Variants in PRKAR1A observed in about 807,000 individuals in gnomAD.
PRKAR1A encodes the protein protein kinase cAMP-dependent type I regulatory subunit alpha.
In PRKAR1A, 3 loss-of-function variants were observed where a neutral mutation model predicts 52.0. That is an observed-to-expected ratio of 0.06 (90% confidence interval 0.03 to 0.15). The LOEUF is 0.15. Among genes scored for constraint, PRKAR1A ranks in the 10% least tolerant of loss-of-function variants. PRKAR1A has a pLI of 1.00. For missense variants in PRKAR1A, 240 were observed against 477.4 expected (o/e 0.50, Z 4.63); for synonymous variants, 188 against 168.4 (o/e 1.12, Z -0.90).
the PRKAR1A span, among the ~76,000 whole-genome samples, chr17:68,505,045 C>T: frequency 6.6e-6 from 1 of 152,178 alleles, no homozygotes; most frequent in Non-Finnish European, 1.5e-5. Flanking sequence ...CATCTGTAAT[C>T]CCAGTAATTT....
chr17:68,479,024 A>G, the PRKAR1A span, among the ~76,000 whole-genome samples: 1 of 152,204 alleles, frequency 6.6e-6, no homozygotes, highest in African/African-American at 2.4e-5. Context: ...CACCGCGCCC[A>G]GCCTAGGCAG....
At chr17:68,459,406 C>G in the PRKAR1A span, among the ~76,000 whole-genome samples, 1 of 152,156 alleles carries the variant, frequency 6.6e-6, no homozygotes, top group South Asian at 2.1e-4. Flanking sequence ...AGAGTTTGGA[C>G]TTTATGGGAT....
chr17:68,426,254 G>A, the PRKAR1A span: 1 of 816,920 alleles, frequency 1.2e-6, no homozygotes, highest in Non-Finnish European at 1.9e-6. Flanking sequence ...GGGAGCGGGG[G>A]CTCAAATAAA....
At position 68,529,950 on chromosome 17, in the gene PRKAR1A, G is replaced by A; in HGVS notation, c.922G>A (p.Glu308Lys). 6.2e-7 allele frequency: 1 copy of A among 1,614,118 alleles called. No individual in the cohort carries two copies. Residue 308 changes from glutamate to lysine, a missense_variant, in exon 10 of 11, where the codon GAA (glutamate) becomes AAA (lysine). Transcript: ENST00000589228. The stretch of plus-strand genomic sequence containing the variant: ...AGCTGCTGTGCTACAACGTCGGTCA[G>A]AAAATGAAGAGTTTGTTGAAGTGGG... ...GSAAVLQRRS[E>K]NEEFVEVGRL...
At chr17:68,489,272 A>AAAG in the PRKAR1A span, among the ~76,000 whole-genome samples, 1 of 16,936 alleles carries the variant, frequency 5.9e-5, no homozygotes, top group Non-Finnish European at 1.0e-4. Context: ...GAAAGTATAT[A>AAAG]TATATATATA....
the PRKAR1A span, among the ~76,000 whole-genome samples, chr17:68,452,013 A>G: frequency 1.3e-5 from 2 of 152,206 alleles, no homozygotes; most frequent in African/African-American, 4.8e-5. Flanking sequence ...AGGAGCCCAA[A>G]ATATTATTTA....
the PRKAR1A span, among the ~76,000 whole-genome samples, chr17:68,436,222 G>C: frequency 6.6e-6 from 1 of 152,190 alleles, no homozygotes; most frequent in African/African-American, 2.4e-5. Flanking sequence ...CTCACAGCAA[G>C]CCCGAGGGGA....
At chr17:68,509,604 T>C (rs930832519), upstream of PRKAR1A, among the ~76,000 whole-genome samples, 9 of 152,192 alleles carry the variant, frequency 5.9e-5, no homozygotes, top group Non-Finnish European at 1.0e-4. Flanking sequence ...ATACAGAAAC[T>C]ACAGTGGAAC....
chr17:68,531,300 T>C lies in PRKAR1A; in HGVS notation c.*851T>C. On this transcript the variant is annotated 3_prime_UTR_variant, in exon 11 of 11. Coordinates refer to ENST00000589228, the MANE Select transcript of PRKAR1A (RefSeq NM_002734.5). ...GAATAAGAATTTGAGGTCTACATTC[T>C]TGGTTGTTAATTTAGAGCGTTTGGT... is the stretch of plus-strand genomic sequence containing the variant. 9.4e-7 allele frequency: 1 copy of C among 1,066,204 alleles called. No individual in the cohort carries two copies. Among genetic ancestry groups the C allele is most frequent in the Non-Finnish European group, 1.1e-6 (1 of 879,558 alleles). 66.0% of individuals were successfully genotyped at this position (1,066,204 alleles called of 1,614,324 possible).
chr17:68,482,220 T>A, the PRKAR1A span, among the ~76,000 whole-genome samples: 1 of 152,238 alleles, frequency 6.6e-6, no homozygotes, highest in African/African-American at 2.4e-5. Flanking sequence ...GCATGTAATT[T>A]AAAACTTATG....
the PRKAR1A span, among the ~76,000 whole-genome samples, chr17:68,426,636 A>C: frequency 1.2e-4 from 19 of 152,250 alleles, no homozygotes; most frequent in African/African-American, 4.6e-4. Flanking sequence ...TGGTTCAAGC[A>C]ATTCTCCTGC....
chr17:68,432,686 A>G, the PRKAR1A span, among the ~76,000 whole-genome samples: 1 of 151,998 alleles, frequency 6.6e-6, no homozygotes, highest in Non-Finnish European at 1.5e-5. Context: ...CTCTTCTGAA[A>G]CTCCATCCAA....
the PRKAR1A span, chr17:68,453,046 C>G: frequency 6.7e-7 from 1 of 1,485,998 alleles, no homozygotes; most frequent in Non-Finnish European, 9.4e-7. Context: ...AACAACAGAT[C>G]TGTCTGCAAA....
At chr17:68,426,584 G>A in the PRKAR1A span, among the ~76,000 whole-genome samples, 113 of 152,320 alleles carry the variant, frequency 7.4e-4, no homozygotes, top group African/African-American at 2.4e-3. Context: ...CCAGGCTGGA[G>A]TGCAGTGGTA....
chr17:68,436,319 C>T, the PRKAR1A span: 5 of 1,494,264 alleles, frequency 3.3e-6, no homozygotes, highest in Non-Finnish European at 4.7e-6. Context: ...CCTTATCTAT[C>T]TCCTTCCATG....
At position 68,533,372 on chromosome 17, in the gene PRKAR1A, TC is replaced by T. The variant is rs1446886862; in HGVS notation, c.*2929del. 1.9e-6 allele frequency: 2 copies of T among 1,061,844 alleles called. No homozygotes were observed. The highest frequency in any genetic ancestry group is 9.1e-5 in the South Asian group (2 of 21,928). 65.8% of individuals were successfully genotyped at this position (1,061,844 alleles called of 1,614,324 possible). On this transcript the variant is annotated 3_prime_UTR_variant, in exon 11 of 11. Coordinates refer to ENST00000589228, the MANE Select transcript of PRKAR1A (RefSeq NM_002734.5). ...ACCTTTTCTAGATTCAGTAATCCCT[TC>T]CCCCCGTCCTCTGGAGTATGAAACC...
chr17:68,534,307 T>G (rs1330627451), downstream of PRKAR1A, among the ~76,000 whole-genome samples: 1 of 152,242 alleles, frequency 6.6e-6, no homozygotes, highest in Admixed American at 6.5e-5. Context: ...GGTGGGCTTT[T>G]TTTAATCTTC....
the PRKAR1A span, among the ~76,000 whole-genome samples, chr17:68,468,090 G>T: frequency 6.6e-6 from 1 of 152,080 alleles, no homozygotes; most frequent in Admixed American, 6.6e-5. Context: ...TTTTTAGAGA[G>T]ATGATGTTTT....
At chr17:68,429,918 G>T in the PRKAR1A span, 9,224 of 1,595,986 alleles carry the variant, frequency 5.8e-3, 56 homozygotes, top group South Asian at 0.021. Context: ...TTCTTTTCAG[G>T]TTTGGGGATT....
Sources: gnomAD v4.1 joint callset for allele counts (sites outside exome capture counted in the v4.1 genomes callset) on GRCh38, gnomAD v4.1.1 for gene constraint, MANE v1.5 for transcripts, NCBI Gene and HGNC (gene_info 2026-07-23, HGNC 2026-07-21) for gene names.